The following PLCB4 variants were observed in gnomAD, a reference collection of about 807,000 sequenced individuals.
PLCB4 encodes the protein 1-phosphatidylinositol 4,5-bisphosphate phosphodiesterase beta-4.
In PLCB4, 77 loss-of-function variants were observed where a neutral mutation model predicts 178.8. The ratio of observed to expected loss-of-function variants is 0.43; its 90% CI spans 0.36 to 0.52. PLCB4 has a LOEUF of 0.52. PLCB4 is among the 20% of genes least tolerant of loss of function. The pLI is 0.00. For missense variants in PLCB4, 1,024 were observed against 1,453.4 expected, an observed-to-expected ratio of 0.70 and a Z score of 4.80; for synonymous variants, 496 against 490.8, an observed-to-expected ratio of 1.01 and a Z score of -0.14.
At position 9,389,465 on chromosome 20, in the gene PLCB4, A is replaced by G. The variant is rs73246695; in HGVS notation, c.1159-414A>G. ...AGCCTCCAGCAGTCCTGAGGTTACT[A>G]CCCACACTTTTCTGCATGAGGTGGG... On this transcript the variant is annotated intron_variant, in intron 15 of 39. Coordinates refer to ENST00000378473, the MANE Select transcript of PLCB4 (RefSeq NM_001377142.1). Among the ~76,000 whole-genome samples the G allele has an allele frequency of 1.6e-3, 241 of 152,274 alleles. 1 individual carries two copies. Among genetic ancestry groups the G allele is most frequent in the African/African-American group, 5.5e-3 (230 of 41,552 alleles).
intron 28 of PLCB4, among the ~76,000 whole-genome samples, chr20:9,431,173 G>T (rs910697427): frequency 2.0e-5 from 3 of 152,102 alleles, no homozygotes; most frequent in Non-Finnish European, 2.9e-5. Context: ...GCTTCTGGTG[G>T]CTTCAGACAG....
intron 3 of PLCB4, among the ~76,000 whole-genome samples, chr20:9,295,736 T>G (rs1196467438): frequency 6.6e-6 from 1 of 152,156 alleles, no homozygotes; most frequent in Non-Finnish European, 1.5e-5. Flanking sequence ...GTTGTAGATA[T>G]GCGGCATTAT....
intron 3 of PLCB4, among the ~76,000 whole-genome samples, chr20:9,235,937 G>A (rs567142662): frequency 3.3e-5 from 5 of 152,292 alleles, no homozygotes; most frequent in African/African-American, 1.2e-4. Flanking sequence ...TTGCCTAGAT[G>A]CCTTGGCTTG....
In PLCB4 at chr20:9,419,992, A is replaced by G; in HGVS notation, c.2154+83A>G. On this transcript the variant is annotated intron_variant, in intron 26 of 39. Coordinates refer to ENST00000378473, the MANE Select transcript of PLCB4 (RefSeq NM_001377142.1). ...GAAATTATAAAATATTGAATGTTAA[A>G]TTGCAAGATCCATGTGCTGCTCACA... is the stretch of plus-strand genomic sequence containing the variant. 3 of 856,072 alleles carry G rather than the reference A, an allele frequency of 3.5e-6. No homozygotes were observed. The South Asian group carries it at 4.7e-5, about 13-fold the overall frequency. 53.0% of individuals were successfully genotyped at this position (856,072 alleles called of 1,614,324 possible). A position where few individuals can be genotyped will look rare whatever the true frequency, so the allele number is the denominator to read the frequency against.
In PLCB4 at chr20:9,204,703, T is replaced by A. The variant is rs10470058; in HGVS notation, c.-78-12687T>A. Reference sequence around the variant, plus strand: ...TTATGAACCAGTGACGTAAGAAATGTCTAAGAAGTAAAGCTATATGTCATG... The same window carrying A: ...TTATGAACCAGTGACGTAAGAAATGACTAAGAAGTAAAGCTATATGTCATG... On this transcript the variant is annotated intron_variant, in intron 2 of 39. Coordinates refer to ENST00000378473, the MANE Select transcript of PLCB4 (RefSeq NM_001377142.1). Among the ~76,000 whole-genome samples the A allele has an allele frequency of 9.5e-3, 1,451 of 152,182 alleles. 16 individuals carry two copies. Among genetic ancestry groups the A allele is most frequent in the South Asian group, 0.047 (228 of 4,818 alleles).
chr20:9,339,616 T>C (rs1381329441), intron 7 of PLCB4, among the ~76,000 whole-genome samples: 1 of 152,190 alleles, frequency 6.6e-6, no homozygotes, highest in Non-Finnish European at 1.5e-5. Context: ...TAAAATTTAT[T>C]AGTGACATAT....
intron 2 of PLCB4, among the ~76,000 whole-genome samples, chr20:9,141,497 C>T (rs2092489671): frequency 1.3e-5 from 2 of 152,090 alleles, no homozygotes; most frequent in South Asian, 2.1e-4. Context: ...TTTAAAGATT[C>T]TACACTCTTT....
intron 2 of PLCB4, among the ~76,000 whole-genome samples, chr20:9,133,458 G>T (rs2092318754): frequency 6.6e-6 from 1 of 152,026 alleles, no homozygotes; most frequent in Admixed American, 6.6e-5. Context: ...ACTAGAGTGG[G>T]GTTTCACCTT....
chr20:9,379,252 G>T (rs2036935641), intron 12 of PLCB4, among the ~76,000 whole-genome samples: 1 of 152,064 alleles, frequency 6.6e-6, no homozygotes, highest in Non-Finnish European at 1.5e-5. Flanking sequence ...AGTAAACTGG[G>T]TTTTTCATCA....
At chr20:9,147,302 A>G (rs2092615066) in intron 2 of PLCB4, among the ~76,000 whole-genome samples, 2 of 152,140 alleles carry the variant, frequency 1.3e-5, no homozygotes, top group Non-Finnish European at 2.9e-5. Context: ...CAACTAAGGA[A>G]CCTTTGTTCC....
chr20:9,386,267 G>A (rs1568708236), intron 14 of PLCB4, among the ~76,000 whole-genome samples: 3 of 151,984 alleles, frequency 2.0e-5, no homozygotes, highest in African/African-American at 7.2e-5. Context: ...GGAGGGGGAG[G>A]GGGAGAGGGA....
intron 38 of PLCB4, among the ~76,000 whole-genome samples, 168 bp downstream of exon 38, chr20:9,473,533 G>A (rs1318889395): frequency 6.6e-6 from 1 of 152,052 alleles, no homozygotes; most frequent in East Asian, 1.9e-4. Context: ...AGAAAAGAAA[G>A]TACCAGTTTT....
At chr20:9,254,178 A>T (rs1601453927) in intron 3 of PLCB4, among the ~76,000 whole-genome samples, 1 of 152,236 alleles carries the variant, frequency 6.6e-6, no homozygotes, top group Non-Finnish European at 1.5e-5. Context: ...TATAAAAGTT[A>T]GGCTGTGTAA....
intron 2 of PLCB4, among the ~76,000 whole-genome samples, chr20:9,122,552 T>G (rs1189667081): frequency 6.6e-6 from 1 of 152,174 alleles, no homozygotes; most frequent in Non-Finnish European, 1.5e-5. Context: ...AATTGTCACA[T>G]CATAGTCAAT....
intron 2 of PLCB4, among the ~76,000 whole-genome samples, chr20:9,177,943 C>G (rs1422220419): frequency 6.6e-6 from 1 of 152,158 alleles, no homozygotes; most frequent in Non-Finnish European, 1.5e-5. Flanking sequence ...TAAAAACATT[C>G]CAAGTGCTAA....
chr20:9,124,325 A>G (rs1374920900), intron 2 of PLCB4, among the ~76,000 whole-genome samples: 1 of 152,068 alleles, frequency 6.6e-6, no homozygotes, highest in Non-Finnish European at 1.5e-5. Context: ...GGGCAAAAAT[A>G]AAATAAAAAA....
intron 3 of PLCB4, among the ~76,000 whole-genome samples, chr20:9,299,168 G>A (rs2094675249): frequency 6.6e-6 from 1 of 152,010 alleles, no homozygotes; most frequent in South Asian, 2.1e-4. Context: ...ACGTTTTACA[G>A]CTTTATGTAT....
chr20:9,195,820 G>A (rs2093464656), intron 2 of PLCB4, among the ~76,000 whole-genome samples: 1 of 152,082 alleles, frequency 6.6e-6, no homozygotes, highest in East Asian at 1.9e-4. Context: ...TATCCTACTG[G>A]TTCTGTTTCT....
chr20:9,340,500 A>C (rs2148080947), intron 7 of PLCB4, among the ~76,000 whole-genome samples: 1 of 152,234 alleles, frequency 6.6e-6, no homozygotes, highest in Non-Finnish European at 1.5e-5. Flanking sequence ...ATGTCACATA[A>C]GAGTGTTTGG....
Sources: allele counts gnomAD v4.1 joint callset (sites outside exome capture counted in the v4.1 genomes callset), GRCh38; gene constraint gnomAD v4.1.1; transcripts MANE v1.5; gene names NCBI Gene and HGNC (gene_info 2026-07-23, HGNC 2026-07-21).